RYR3: variants seen among roughly 807,000 people sequenced by gnomAD.
The protein encoded by RYR3 is brain ryanodine receptor-calcium release channel.
Under a neutral mutation model 584.3 loss-of-function variants are expected in RYR3, and 207 were observed. The observed-to-expected ratio is 0.35, with a 90% confidence interval of 0.32 to 0.40. The LOEUF (loss-of-function observed/expected upper bound fraction) is 0.40. Ranked by LOEUF, RYR3 falls within the 10% of genes least tolerant of loss-of-function variation. RYR3 has a pLI of 1.00. For missense variants in RYR3, 5,616 were observed against 6,089.2 expected, an observed-to-expected ratio of 0.92 and a Z score of 2.59; for synonymous variants, 2,416 against 2,248.5, an observed-to-expected ratio of 1.07 and a Z score of -2.11.
At chr15:33,321,406 T>C (rs971884412) in intron 1 of RYR3, among the ~76,000 whole-genome samples, 1 of 152,190 alleles carries the variant, frequency 6.6e-6, no homozygotes, top group Non-Finnish European at 1.5e-5. Context: ...TACTCCCTCC[T>C]CTCTATCAAA....
chr15:33,784,017 T>C (rs965940305), intron 65 of RYR3, among the ~76,000 whole-genome samples: 1 of 152,246 alleles, frequency 6.6e-6, no homozygotes, highest in Non-Finnish European at 1.5e-5. Flanking sequence ...TTTAGCCTTC[T>C]ATCCACCAGA....
chr15:33,452,196 A>C (rs2047188596), intron 1 of RYR3, among the ~76,000 whole-genome samples: 1 of 152,306 alleles, frequency 6.6e-6, no homozygotes, highest in Non-Finnish European at 1.5e-5. Context: ...GCTGAAAGGG[A>C]ATGTTTCTCA....
intron 1 of RYR3, among the ~76,000 whole-genome samples, chr15:33,445,746 A>G (rs1374789697): frequency 6.6e-6 from 1 of 151,308 alleles, no homozygotes; most frequent in Non-Finnish European, 1.5e-5. Flanking sequence ...GAAGCAACAC[A>G]AAGGAAGAAT....
intron 27 of RYR3, among the ~76,000 whole-genome samples, chr15:33,639,992 TCTG>T (rs1396344788): frequency 6.6e-6 from 1 of 152,112 alleles, no homozygotes; most frequent in Non-Finnish European, 1.5e-5. Flanking sequence ...GAATGCGACG[TCTG>T]GAAGAGGCTT....
intron 1 of RYR3, among the ~76,000 whole-genome samples, chr15:33,402,141 C>T (rs1266772627): frequency 6.6e-6 from 1 of 152,066 alleles, no homozygotes; most frequent in Non-Finnish European, 1.5e-5. Flanking sequence ...TTAAATGTTG[C>T]ATTTCAACAT....
chr15:33,616,204 A>C (rs2060440714), intron 19 of RYR3, among the ~76,000 whole-genome samples: 1 of 152,252 alleles, frequency 6.6e-6, no homozygotes, highest in African/African-American at 2.4e-5. Context: ...TCTATGGAGA[A>C]GGGATCTTCT....
intron 62 of RYR3, among the ~76,000 whole-genome samples, chr15:33,770,490 G>A (rs1387112202): frequency 6.6e-6 from 1 of 152,194 alleles, no homozygotes; most frequent in Non-Finnish European, 1.5e-5. Context: ...AGTGGCTCAC[G>A]CCTGTAATCC....
In RYR3 at chr15:33,697,274, T is replaced by C. The variant is rs74946797; in HGVS notation, c.6135-608T>C. On this transcript the variant is annotated intron_variant, in intron 39 of 103. Coordinates refer to ENST00000634891, the MANE Select transcript of RYR3 (RefSeq NM_001036.6). ...CTCATTTCCAAAGAGAAATCTTACA[T>C]AAATGAAGCGACTTTTATGGGAAGA... is the stretch of plus-strand genomic sequence containing the variant. Among the ~76,000 whole-genome samples the C allele has an allele frequency of 6.8e-3, 1,035 of 152,282 alleles. 10 individuals are homozygous for C. Among genetic ancestry groups the C allele is most frequent in the African/African-American group, 0.024 (987 of 41,554 alleles).
chr15:33,834,955 C>G lies in RYR3; in HGVS notation c.11464-13C>G, dbSNP rs1337816510. On this transcript the variant is annotated splice_polypyrimidine_tract_variant and intron_variant, in intron 86 of 103. Coordinates refer to ENST00000634891, the MANE Select transcript of RYR3 (RefSeq NM_001036.6). Reference sequence around the variant, plus strand: ...GATGTTTAAGTGACATAAGAATGTCCTCTTCTCTGCAGGGCCCTTGCATTG... The same window carrying G: ...GATGTTTAAGTGACATAAGAATGTCGTCTTCTCTGCAGGGCCCTTGCATTG... 2.5e-6 allele frequency: 4 copies of G among 1,610,614 alleles called. No individual in the cohort carries two copies. The highest frequency in any genetic ancestry group is 2.5e-6 in the Non-Finnish European group (3 of 1,177,170).
At chr15:33,566,051 C>G (rs778113171) in intron 11 of RYR3, among the ~76,000 whole-genome samples, 40 of 152,190 alleles carry the variant, frequency 2.6e-4, no homozygotes, top group Admixed American at 1.4e-3. Flanking sequence ...ATGGGGTTAA[C>G]TAACTTGCCC....
chr15:33,789,986 CTTTTTTTTTTTT>C (rs757370991), intron 67 of RYR3, among the ~76,000 whole-genome samples: 1 of 53,250 alleles, frequency 1.9e-5, no homozygotes, highest in Non-Finnish European at 3.1e-5. Context: ...GCCTGGCCTT[CTTTTTTTTTTTT>C]TTTTTTTTTT....
chr15:33,700,952 T>G, intron 41 of RYR3, 25 bp from the exon 42 acceptor site: 2 of 1,563,784 alleles, frequency 1.3e-6, no homozygotes, highest in Non-Finnish European at 1.8e-6. Context: ...GTCCTTTTCT[T>G]GCTAATTCTC....
chr15:33,791,483 G>A (rs1418105138), intron 67 of RYR3, among the ~76,000 whole-genome samples: 1 of 152,104 alleles, frequency 6.6e-6, no homozygotes, highest in African/African-American at 2.4e-5. Context: ...TCATCAGTTG[G>A]GAATGAAGAT....
chr15:33,459,110 A>G (rs1155606), intron 1 of RYR3, among the ~76,000 whole-genome samples: 91,099 of 152,072 alleles, frequency 0.6, 28,179 homozygotes, highest in African/African-American at 0.77. Context: ...ACCCTTCCCC[A>G]GAGATTCTCA....
chr15:33,842,350 A>G (rs2078423891), intron 91 of RYR3, among the ~76,000 whole-genome samples: 1 of 152,238 alleles, frequency 6.6e-6, no homozygotes, highest in Admixed American at 6.5e-5. Flanking sequence ...GTGGGGACTT[A>G]GCCAATCCTG....
At chr15:33,323,026 TG>T (rs1256308065) in intron 1 of RYR3, among the ~76,000 whole-genome samples, 1 of 151,608 alleles carries the variant, frequency 6.6e-6, no homozygotes. Context: ...CATTTATGTT[TG>T]TAGAGCTGCA....
At chr15:33,592,000 G>T (rs1245197679) in intron 16 of RYR3, among the ~76,000 whole-genome samples, 1 of 152,188 alleles carries the variant, frequency 6.6e-6, no homozygotes, top group African/African-American at 2.4e-5. Flanking sequence ...ATATAAGCTT[G>T]TGTTTGGGAT....
At chr15:33,812,025 A>G (rs1205913445) in intron 72 of RYR3, among the ~76,000 whole-genome samples, 1 of 152,158 alleles carries the variant, frequency 6.6e-6, no homozygotes, top group East Asian at 1.9e-4. Flanking sequence ...AGAAATCTCT[A>G]GGGCCAGAAA....
intron 66 of RYR3, among the ~76,000 whole-genome samples, chr15:33,787,619 A>C (rs2074819124): frequency 6.6e-6 from 1 of 152,094 alleles, no homozygotes; most frequent in South Asian, 2.1e-4. Flanking sequence ...TGATCACCCC[A>C]GCCTCTTTTT....
Sources: allele counts gnomAD v4.1 joint callset (sites outside exome capture counted in the v4.1 genomes callset), GRCh38; gene constraint gnomAD v4.1.1; transcripts MANE v1.5; gene names NCBI Gene and HGNC (gene_info 2026-07-23, HGNC 2026-07-21).